TAFA2: variants seen among roughly 807,000 people sequenced by gnomAD.
TAFA2 encodes the protein chemokine-like protein TAFA-2.
In TAFA2, 7 loss-of-function variants were observed where a neutral mutation model predicts 18.8. The observed-to-expected ratio is 0.37, with a 90% CI of 0.21 to 0.70. The LOEUF (loss-of-function observed/expected upper bound fraction) is 0.70, where lower values mean the gene tolerates loss of function less well. TAFA2 is among the 30% of genes least tolerant of loss of function. The pLI is 0.53. For synonymous variants in TAFA2, 60 were observed against 54.2 expected, an observed-to-expected ratio of 1.11 and a Z score of -0.47; for missense variants, 122 against 158.1, an observed-to-expected ratio of 0.77 and a Z score of 1.23.
At chr12:62,191,019 T>G (rs1451834838) in intron 1 of TAFA2, among the ~76,000 whole-genome samples, 1 of 151,716 alleles carries the variant, frequency 6.6e-6, no homozygotes, top group Non-Finnish European at 1.5e-5. Context: ...CATGCTCCGA[T>G]CCCCTCTCGG....
chr12:61,975,075 C>A (rs912474526), intron 1 of TAFA2, among the ~76,000 whole-genome samples: 1 of 151,586 alleles, frequency 6.6e-6, no homozygotes, highest in African/African-American at 2.4e-5. Flanking sequence ...TGTTTTCATA[C>A]ACATATGCAT....
At chr12:62,125,689 T>A (rs1028667589) in intron 1 of TAFA2, among the ~76,000 whole-genome samples, 6 of 152,234 alleles carry the variant, frequency 3.9e-5, no homozygotes, top group African/African-American at 1.4e-4. Context: ...TTTCTTTTGT[T>A]TCCTGTGAGG....
intron 1 of TAFA2, among the ~76,000 whole-genome samples, chr12:62,005,104 C>A (rs1391760264): frequency 6.6e-6 from 1 of 151,830 alleles, no homozygotes; most frequent in Non-Finnish European, 1.5e-5. Flanking sequence ...ATATAGAAAG[C>A]TAATGTGTAA....
intron 1 of TAFA2, among the ~76,000 whole-genome samples, chr12:61,969,674 G>A (rs542096589): frequency 2.0e-5 from 3 of 151,786 alleles, no homozygotes; most frequent in African/African-American, 7.2e-5. Context: ...TGTGACATAT[G>A]TGGTAAATAC....
chr12:61,907,671 G>A (rs2198784), intron 1 of TAFA2, among the ~76,000 whole-genome samples: 1 of 152,062 alleles, frequency 6.6e-6, no homozygotes, highest in East Asian at 1.9e-4. Context: ...CTTCCAGACC[G>A]CATAATGGTA....
At chr12:61,891,314 C>T (rs917424259) in intron 1 of TAFA2, among the ~76,000 whole-genome samples, 10 of 151,998 alleles carry the variant, frequency 6.6e-5, no homozygotes, top group Non-Finnish European at 1.3e-4. Flanking sequence ...GAAGCAGCAG[C>T]AGCAGAAGCA....
At chr12:61,752,432 G>A (rs1016855322) in intron 4 of TAFA2, among the ~76,000 whole-genome samples, 2 of 151,904 alleles carry the variant, frequency 1.3e-5, no homozygotes, top group African/African-American at 2.4e-5. Flanking sequence ...GGTATAAATA[G>A]CTTATAAGGA....
chr12:62,080,897 A>G (rs77483469), intron 1 of TAFA2, among the ~76,000 whole-genome samples: 3,654 of 152,300 alleles, frequency 0.024, 149 homozygotes, highest in African/African-American at 0.082. Context: ...TTGACCTTGC[A>G]TTAAAACATT....
At chr12:62,214,629 T>C (rs2062726713) in intron 1 of TAFA2, among the ~76,000 whole-genome samples, 1 of 152,074 alleles carries the variant, frequency 6.6e-6, no homozygotes. Flanking sequence ...TAAAATGAGG[T>C]CTTTAGGGTG....
At chr12:62,033,981 C>A (rs1230763656) in intron 1 of TAFA2, among the ~76,000 whole-genome samples, 1 of 152,134 alleles carries the variant, frequency 6.6e-6, no homozygotes, top group Non-Finnish European at 1.5e-5. Context: ...TGAATCTTGG[C>A]AATTTCATGT....
At chr12:61,712,990 G>T (rs1489360197) in intron 4 of TAFA2, among the ~76,000 whole-genome samples, 1 of 151,972 alleles carries the variant, frequency 6.6e-6, no homozygotes, top group Middle Eastern at 3.2e-3. Flanking sequence ...ATTTTAGGAG[G>T]GATTTTTTTG....
chr12:61,879,646 G>A (rs868005507), intron 1 of TAFA2: 2 of 931,690 alleles, frequency 2.1e-6, no homozygotes, highest in East Asian at 2.4e-5. Context: ...TCATCGACAA[G>A]GTACGGTTCC....
intron 1 of TAFA2, among the ~76,000 whole-genome samples, chr12:62,139,412 G>C (rs1040106653): frequency 2.6e-5 from 4 of 152,056 alleles, no homozygotes; most frequent in Non-Finnish European, 5.9e-5. Flanking sequence ...TTACACCCCA[G>C]AGTGTCAACT....
chr12:61,937,095 T>TA (rs1877799726), intron 1 of TAFA2, among the ~76,000 whole-genome samples: 3 of 152,030 alleles, frequency 2.0e-5, no homozygotes, highest in African/African-American at 7.2e-5. Context: ...GGAATATACT[T>TA]TAAAAAGAAG....
intron 1 of TAFA2, among the ~76,000 whole-genome samples, chr12:62,129,756 C>T (rs1032463203): frequency 2.6e-5 from 4 of 151,998 alleles, no homozygotes; most frequent in Non-Finnish European, 5.9e-5. Flanking sequence ...TCCTGGACTT[C>T]ACCCACGAAA....
At chr12:62,152,958 C>A (rs1222345807) in intron 1 of TAFA2, among the ~76,000 whole-genome samples, 1 of 152,126 alleles carries the variant, frequency 6.6e-6, no homozygotes, top group Non-Finnish European at 1.5e-5. Context: ...GCATATACTA[C>A]CGGACTCTAA....
intron 1 of TAFA2, among the ~76,000 whole-genome samples, chr12:62,047,835 G>T (rs1220272454): frequency 6.6e-6 from 1 of 152,100 alleles, no homozygotes; most frequent in Non-Finnish European, 1.5e-5. Flanking sequence ...GCATCTAAAT[G>T]GAGGTTAAAA....
intron 1 of TAFA2, among the ~76,000 whole-genome samples, chr12:62,033,363 C>G (rs78061542): frequency 0.02 from 3,046 of 152,242 alleles, 66 homozygotes; most frequent in African/African-American, 0.047. Context: ...GACCTTCATT[C>G]AATGCAGACC....
intron 1 of TAFA2, among the ~76,000 whole-genome samples, chr12:61,989,084 T>C (rs1879911958): frequency 6.6e-6 from 1 of 152,196 alleles, no homozygotes; most frequent in African/African-American, 2.4e-5. Flanking sequence ...TAGTGTGCTG[T>C]ATTGATCATA....
Sources: allele counts gnomAD v4.1 joint callset (sites outside exome capture counted in the v4.1 genomes callset), GRCh38; gene constraint gnomAD v4.1.1; transcripts MANE v1.5; gene names NCBI Gene and HGNC (gene_info 2026-07-23, HGNC 2026-07-21).